IGSF10: variants seen among roughly 807,000 people sequenced by gnomAD.
IGSF10 encodes the protein calvaria mechanical force protein 608.
A neutral mutation model predicts 128.2 loss-of-function variants in IGSF10; 126 were observed. That is an observed-to-expected ratio of 0.98 (90% confidence interval 0.85 to 1.14). The LOEUF is 1.14. IGSF10 is among the 50% of genes most tolerant of loss of function. The pLI is 0.00. For synonymous variants in IGSF10, 1,185 were observed against 1,146.2 expected, an observed-to-expected ratio of 1.03 and a Z score of -0.68; for missense variants, 3,295 against 3,149.8, an observed-to-expected ratio of 1.05 and a Z score of -1.10.
At chr3:151,526,629 C>T in the IGSF10 span, among the ~76,000 whole-genome samples, 1 of 152,022 alleles carries the variant, frequency 6.6e-6, no homozygotes, top group Non-Finnish European at 1.5e-5. Context: ...TATTTAGGTT[C>T]TTCTAGTTCC....
intron 2 of IGSF10, 40 bp from the exon 3 acceptor site, chr3:151,458,750 G>A: frequency 1.3e-6 from 2 of 1,555,290 alleles, no homozygotes; most frequent in East Asian, 2.3e-5. Context: ...AAGAGTGGTG[G>A]AGCAAAGTCC....
At chr3:151,497,163 G>A in the IGSF10 span, among the ~76,000 whole-genome samples, 2 of 152,144 alleles carry the variant, frequency 1.3e-5, no homozygotes, top group Non-Finnish European at 2.9e-5. Context: ...TTGCTGTGCA[G>A]AAGCTCTTTA....
At chr3:151,526,768 T>G in the IGSF10 span, among the ~76,000 whole-genome samples, 1 of 152,220 alleles carries the variant, frequency 6.6e-6, no homozygotes, top group Non-Finnish European at 1.5e-5. Context: ...CTAATTTTCC[T>G]GGTTATCCTT....
chr3:151,549,196 G>A, the IGSF10 span, among the ~76,000 whole-genome samples: 11 of 152,120 alleles, frequency 7.2e-5, no homozygotes, highest in African/African-American at 2.2e-4. Flanking sequence ...TGGCTTTACC[G>A]CTTGATATTC....
the IGSF10 span, among the ~76,000 whole-genome samples, chr3:151,612,517 A>C: frequency 6.6e-6 from 1 of 152,194 alleles, no homozygotes; most frequent in Non-Finnish European, 1.5e-5. Context: ...AGAGGGATAG[A>C]GCAATAAGAG....
the IGSF10 span, among the ~76,000 whole-genome samples, chr3:151,485,786 G>A: frequency 6.6e-6 from 1 of 152,080 alleles, no homozygotes; most frequent in African/African-American, 2.4e-5. Flanking sequence ...TGCCTTACAA[G>A]AGCTCCTGAA....
the IGSF10 span, among the ~76,000 whole-genome samples, chr3:151,470,829 G>A: frequency 4.0e-4 from 61 of 152,238 alleles, no homozygotes; most frequent in Non-Finnish European, 7.4e-4. Flanking sequence ...AATCCCACAC[G>A]CTGTGTAAAG....
the IGSF10 span, among the ~76,000 whole-genome samples, chr3:151,530,514 C>A: frequency 6.6e-6 from 1 of 152,096 alleles, no homozygotes; most frequent in Non-Finnish European, 1.5e-5. Flanking sequence ...AATCTCTTGG[C>A]AGAAACCCTA....
chr3:151,441,870 G>A (rs1238277171), intron 7 of IGSF10, among the ~76,000 whole-genome samples: 1 of 152,136 alleles, frequency 6.6e-6, no homozygotes, highest in Admixed American at 6.5e-5. Context: ...GACCATCCTG[G>A]CTAACATGGT....
the IGSF10 span, among the ~76,000 whole-genome samples, chr3:151,611,679 C>T: frequency 6.6e-6 from 1 of 152,134 alleles, no homozygotes; most frequent in African/African-American, 2.4e-5. Flanking sequence ...TTATTAAGAC[C>T]TCCTGACATG....
chr3:151,552,685 T>A, the IGSF10 span, among the ~76,000 whole-genome samples: 2 of 152,154 alleles, frequency 1.3e-5, no homozygotes, highest in East Asian at 3.9e-4. Flanking sequence ...TCCTCTCTTA[T>A]CTCCTCAGGG....
At chr3:151,457,758 C>T (rs957155162) in intron 3 of IGSF10, among the ~76,000 whole-genome samples, 1 of 152,174 alleles carries the variant, frequency 6.6e-6, no homozygotes, top group Admixed American at 6.5e-5. Context: ...AATGCCAGCA[C>T]CTACTGAGCA....
In IGSF10 at chr3:151,446,558, T is replaced by C; in HGVS notation, c.3423A>G (p.Ala1141=). ...TEISQVTPTG[A]VMTYAPTSIP... ...TGGATGTTGGAGCATATGTCATGAC[T>C]GCACCAGTTGGAGTCACTTGGGAAA... Residue 1141 remains alanine (A), a synonymous_variant, in exon 6 of 8, where the codon GCA becomes GCG. Transcript: ENST00000282466. 2 of 1,614,088 alleles carry C rather than the reference T, an allele frequency of 1.2e-6. No individual in the cohort carries two copies. The highest frequency in any genetic ancestry group is 1.6e-4 in the Middle Eastern group (1 of 6,062).
the IGSF10 span, among the ~76,000 whole-genome samples, chr3:151,588,816 A>G: frequency 3.3e-5 from 5 of 152,352 alleles, no homozygotes; most frequent in African/African-American, 1.2e-4. Context: ...ATATCAAGTA[A>G]GTAAAATGCA....
the IGSF10 span, among the ~76,000 whole-genome samples, chr3:151,492,166 A>G: frequency 6.6e-6 from 1 of 152,208 alleles, no homozygotes; most frequent in African/African-American, 2.4e-5. Flanking sequence ...AATAACAGAA[A>G]AACAAATAAC....
chr3:151,613,277 C>T, the IGSF10 span, among the ~76,000 whole-genome samples: 1 of 151,492 alleles, frequency 6.6e-6, no homozygotes, highest in Non-Finnish European at 1.5e-5. Flanking sequence ...CAATGCCATC[C>T]CCATCAAGCT....
the IGSF10 span, among the ~76,000 whole-genome samples, chr3:151,617,066 T>C: frequency 1.3e-5 from 2 of 152,200 alleles, no homozygotes; most frequent in African/African-American, 4.8e-5. Context: ...TCTCCAGCTG[T>C]AAGATTTAAA....
chr3:151,537,943 A>G, the IGSF10 span, among the ~76,000 whole-genome samples: 1 of 152,178 alleles, frequency 6.6e-6, no homozygotes, highest in Non-Finnish European at 1.5e-5. Flanking sequence ...AGCTAGGCCA[A>G]AAGATTTGAA....
chr3:151,506,218 G>C, the IGSF10 span, among the ~76,000 whole-genome samples: 17 of 152,264 alleles, frequency 1.1e-4, no homozygotes, highest in African/African-American at 3.6e-4. Flanking sequence ...CTCCCAAAGT[G>C]CTGGGATTAT....
Sources: allele counts gnomAD v4.1 joint callset (sites outside exome capture counted in the v4.1 genomes callset), GRCh38; gene constraint gnomAD v4.1.1; transcripts MANE v1.5; gene names NCBI Gene and HGNC (gene_info 2026-07-23, HGNC 2026-07-21).